INPP4B: variants seen among roughly 807,000 people sequenced by gnomAD.
The protein encoded by INPP4B is inositol polyphosphate 4-phosphatase type II.
In INPP4B, 55 loss-of-function variants were observed where a neutral mutation model predicts 122.5. The ratio of observed to expected loss-of-function variants is 0.45; its 90% confidence interval spans 0.36 to 0.56. The LOEUF is 0.56. INPP4B is among the 20% of genes least tolerant of loss of function. The pLI, the probability that INPP4B is intolerant of heterozygous loss-of-function variation, is 0.00. For synonymous variants in INPP4B, 403 were observed against 388.7 expected (o/e 1.04, Z -0.43); for missense variants, 1,000 against 1,097.7 (o/e 0.91, Z 1.26).
At chr4:142,062,719 C>G (rs541498451) in intron 25 of INPP4B, among the ~76,000 whole-genome samples, 25 of 151,440 alleles carry the variant, frequency 1.7e-4, no homozygotes, top group Admixed American at 4.6e-4. Flanking sequence ...CTGGATGACA[C>G]AGCAAGACTC....
intron 9 of INPP4B, among the ~76,000 whole-genome samples, chr4:142,272,904 A>C (rs1472419989): frequency 2.0e-4 from 31 of 152,050 alleles, no homozygotes; most frequent in Non-Finnish European, 2.9e-5. Context: ...TGGGCAAGCT[A>C]AGTTAGCTTA....
chr4:142,566,874 A>G (rs139485054), intron 2 of INPP4B, among the ~76,000 whole-genome samples: 43 of 152,336 alleles, frequency 2.8e-4, no homozygotes, highest in African/African-American at 9.9e-4. Context: ...TTAAAAAAGC[A>G]AAAGAATAAG....
intron 11 of INPP4B, among the ~76,000 whole-genome samples, chr4:142,241,504 C>A (rs1271178577): frequency 6.6e-6 from 1 of 152,124 alleles, no homozygotes; most frequent in Non-Finnish European, 1.5e-5. Flanking sequence ...TATATTGTTT[C>A]TCCCAGATTG....
At chr4:142,746,397 T>G (rs1768756496) in intron 1 of INPP4B, among the ~76,000 whole-genome samples, 1 of 151,972 alleles carries the variant, frequency 6.6e-6, no homozygotes, top group African/African-American at 2.4e-5. Flanking sequence ...GGAAAAACAT[T>G]CCATGCTCAT....
chr4:142,755,523 C>T (rs1012863345), intron 1 of INPP4B, among the ~76,000 whole-genome samples: 2 of 151,620 alleles, frequency 1.3e-5, no homozygotes, highest in Non-Finnish European at 2.9e-5. Context: ...GTAAGACAGA[C>T]TAAAGAAAAA....
intron 3 of INPP4B, among the ~76,000 whole-genome samples, chr4:142,458,301 A>G (rs1264701139): frequency 2.0e-5 from 3 of 152,074 alleles, no homozygotes; most frequent in African/African-American, 7.2e-5. Flanking sequence ...ATGGACAGGA[A>G]GAGGGAAGTT....
At chr4:142,628,497 G>T (rs1434760186) in intron 2 of INPP4B, among the ~76,000 whole-genome samples, 1 of 138,340 alleles carries the variant, frequency 7.2e-6, no homozygotes, top group Non-Finnish European at 1.5e-5. Flanking sequence ...CACCAGCATG[G>T]CACATGTATA....
At chr4:142,467,766 A>G (rs1326880561) in intron 2 of INPP4B, among the ~76,000 whole-genome samples, 1 of 152,110 alleles carries the variant, frequency 6.6e-6, no homozygotes, top group Non-Finnish European at 1.5e-5. Context: ...TTCAAATCTC[A>G]TTTTGAAATG....
At chr4:142,085,701 A>G (rs909583757) in intron 24 of INPP4B, among the ~76,000 whole-genome samples, 2 of 152,220 alleles carry the variant, frequency 1.3e-5, no homozygotes, top group African/African-American at 4.8e-5. Context: ...ATCTAAATTA[A>G]CAAACACATT....
chr4:142,632,242 T>C (rs1748128569), intron 2 of INPP4B, among the ~76,000 whole-genome samples: 1 of 151,982 alleles, frequency 6.6e-6, no homozygotes, highest in South Asian at 2.1e-4. Flanking sequence ...CACAATGGAA[T>C]ATTGTTCAGC....
intron 2 of INPP4B, among the ~76,000 whole-genome samples, chr4:142,690,616 C>A (rs1411674345): frequency 6.6e-6 from 1 of 152,134 alleles, no homozygotes; most frequent in Admixed American, 6.6e-5. Flanking sequence ...AACCCAGGCT[C>A]CCCTGCAGAG....
chr4:142,193,044 A>G, intron 15 of INPP4B, 43 bp downstream of exon 15: 1 of 1,157,646 alleles, frequency 8.6e-7, no homozygotes, highest in Non-Finnish European at 1.3e-6. Flanking sequence ...CAAAGGGGAG[A>G]TGTTATTAAT....
At position 142,138,013 on chromosome 4, in the gene INPP4B, T is replaced by TGACC. The variant is rs1221387963; in HGVS notation, c.1720+7823_1720+7826dup. On this transcript the variant is annotated intron_variant, in intron 18 of 25. Coordinates refer to ENST00000262992, the MANE Select transcript of INPP4B (RefSeq NM_001101669.3). ...GGGATCTAGAACTGGAAATACCATTTGACCCAGCCATCCCATTACTGGGTA... is the reference window on the plus strand; with the variant it reads ...GGGATCTAGAACTGGAAATACCATTTGACCGACCCAGCCATCCCATTACTGGGTA... Among the ~76,000 whole-genome samples the TGACC allele has an allele frequency of 3.8e-3, 580 of 152,248 alleles. 5 individuals carry two copies. The highest frequency in any genetic ancestry group is 0.013 in the African/African-American group (558 of 41,552).
intron 9 of INPP4B, among the ~76,000 whole-genome samples, chr4:142,288,186 A>G (rs1754717015): frequency 6.6e-6 from 1 of 152,348 alleles, no homozygotes; most frequent in Middle Eastern, 3.4e-3. Context: ...CAAACCTTAC[A>G]AATTGCCAGA....
intron 7 of INPP4B, among the ~76,000 whole-genome samples, chr4:142,364,198 A>G (rs139377228): frequency 6.6e-6 from 1 of 152,114 alleles, no homozygotes; most frequent in Admixed American, 6.6e-5. Flanking sequence ...AAGAACAGAA[A>G]GAATAAAAGT....
chr4:142,099,648 T>C (rs909038294), intron 23 of INPP4B, among the ~76,000 whole-genome samples: 12 of 152,300 alleles, frequency 7.9e-5, no homozygotes, highest in East Asian at 1.9e-4. Context: ...AGCCCTGTAA[T>C]ATTCAGACTA....
chr4:142,654,268 G>A (rs538741371), intron 2 of INPP4B, among the ~76,000 whole-genome samples: 3 of 145,872 alleles, frequency 2.1e-5, no homozygotes, highest in South Asian at 4.6e-4. Context: ...AATACCTAAT[G>A]TAAATGACGA....
intron 25 of INPP4B, among the ~76,000 whole-genome samples, chr4:142,061,907 T>C (rs1380608926): frequency 0.018 from 62 of 3,368 alleles, no homozygotes; most frequent in African/African-American, 0.027. Flanking sequence ...TATATATATA[T>C]ATATATATAT....
At chr4:142,505,262 TG>T (rs1823873210) in intron 2 of INPP4B, among the ~76,000 whole-genome samples, 1 of 150,396 alleles carries the variant, frequency 6.6e-6, no homozygotes, top group Admixed American at 6.6e-5. Flanking sequence ...AAAAGAAAAC[TG>T]TGCAAGTATG....
Sources: allele counts gnomAD v4.1 joint callset (sites outside exome capture counted in the v4.1 genomes callset), GRCh38; gene constraint gnomAD v4.1.1; transcripts MANE v1.5; gene names NCBI Gene and HGNC (gene_info 2026-07-23, HGNC 2026-07-21).